VAPB: variants seen among roughly 807,000 people sequenced by gnomAD.
VAPB encodes the protein VAMP associated protein B and C, also known as vesicle-associated membrane protein-associated protein B/C.
VAPB carries 7 observed loss-of-function variants against 25.6 expected under a neutral mutation model. The observed-to-expected ratio is 0.27, with a 90% CI of 0.16 to 0.51. The LOEUF is 0.51. Among genes scored for constraint, VAPB ranks in the 20% least tolerant of loss-of-function variants. The pLI is 0.97. For missense variants in VAPB, 266 were observed against 301.3 expected, an observed-to-expected ratio of 0.88 and a Z score of 0.87; for synonymous variants, 112 against 109.2, an observed-to-expected ratio of 1.03 and a Z score of -0.16.
chr20:58,400,168 C>CT (rs1988062671), intron 1 of VAPB, among the ~76,000 whole-genome samples: 1 of 152,142 alleles, frequency 6.6e-6, no homozygotes, highest in Non-Finnish European at 1.5e-5. Flanking sequence ...TCTGTGGTTC[C>CT]TAGCATTGCT....
chr20:58,438,963 G>A lies in VAPB; in HGVS notation c.334G>A (p.Glu112Lys). 3 of 1,613,856 alleles carry A rather than the reference G, an allele frequency of 1.9e-6. No individual in the cohort carries two copies. The highest frequency in any genetic ancestry group is 2.5e-6 in the Non-Finnish European group (3 of 1,179,948). ...MEAVWKEAKP[E>K]DLMDSKLRCV... ...GTTTTAGTGGAAGGAGGCAAAACCG[G>A]AAGACCTTATGGATTCAAAACTTAG... is the stretch of plus-strand genomic sequence containing the variant. The change falls in exon 4 of 6, where the codon GAA becomes AAA. Residue 112 changes from glutamate (E) to lysine (K), a missense_variant. By Grantham distance (56) the Glu-to-Lys change is moderately conservative. Around this residue, in one of 3 missense-constraint regions of VAPB, gnomAD observed 98 missense variants for 147.1 expected, o/e 0.67. Coordinates refer to ENST00000475243, the MANE Select transcript of VAPB (RefSeq NM_004738.5).
In VAPB at chr20:58,441,000, A is replaced by T; in HGVS notation, c.490A>T (p.Thr164Ser). ...GTCTCTGAGTTCTTCTTTGGATGAC[A>T]CCGAAGTTAAGAAGGTTATGGAAGA... ...SKSLSSSLDD[T>S]EVKKVMEECK... is the part of the protein sequence containing the mutation. The change falls in exon 5 of 6, where the codon ACC becomes TCC. Residue 164 changes from threonine (T) to serine (S), a missense_variant. Physicochemically the swap from Thr to Ser is moderately conservative, Grantham distance 58. Transcript: ENST00000475243. 6.2e-7 allele frequency: 1 copy of T among 1,614,140 alleles called. No individual in the cohort carries two copies. Among genetic ancestry groups the T allele is most frequent in the East Asian group, 2.2e-5 (1 of 44,858 alleles).
At position 58,448,149 on chromosome 20, in the gene VAPB, CTGGAA is replaced by C; in HGVS notation, c.*3921_*3925del. ...GAGAAGGAGTGTTCTCAAAGATGAG[CTGGAA>C]TGGAATTGTATTTAGAAAGGCCCCT... is the stretch of plus-strand genomic sequence containing the variant. On this transcript the variant is annotated 3_prime_UTR_variant, in exon 6 of 6. Coordinates refer to ENST00000475243, the MANE Select transcript of VAPB (RefSeq NM_004738.5). 2.2e-6 allele frequency: 1 copy of C among 453,888 alleles called. No individual in the cohort carries two copies. The highest frequency in any genetic ancestry group is 4.4e-6 in the Non-Finnish European group (1 of 226,750). 28.1% of individuals were successfully genotyped at this position (453,888 alleles called of 1,614,324 possible).
intron 1 of VAPB, among the ~76,000 whole-genome samples, chr20:58,410,410 T>C (rs534813382): frequency 6.6e-6 from 1 of 151,646 alleles, no homozygotes; most frequent in South Asian, 2.1e-4. Flanking sequence ...CAACACCGTA[T>C]TTATTTATTT....
intron 3 of VAPB, 101 bp downstream of exon 3, chr20:58,434,806 A>T: frequency 1.4e-6 from 1 of 697,496 alleles, no homozygotes; most frequent in Non-Finnish European, 2.6e-6. Context: ...TGTCAAAATT[A>T]TTTAAAAGGG....
At chr20:58,396,475 G>A (rs1987961531) in intron 1 of VAPB, among the ~76,000 whole-genome samples, 4 of 152,162 alleles carry the variant, frequency 2.6e-5, no homozygotes, top group Admixed American at 2.6e-4. Flanking sequence ...TTAAGACAAT[G>A]GGATGTACCC....
intron 1 of VAPB, among the ~76,000 whole-genome samples, chr20:58,394,229 C>A (rs544306815): frequency 6.6e-6 from 1 of 152,016 alleles, no homozygotes; most frequent in East Asian, 1.9e-4. Flanking sequence ...AGTTTAAGGA[C>A]GTTGTTTGTT....
intron 1 of VAPB, among the ~76,000 whole-genome samples, chr20:58,404,945 G>A (rs538133438): frequency 1.4e-4 from 22 of 151,984 alleles, no homozygotes; most frequent in African/African-American, 4.8e-4. Context: ...TTGCTGAGAG[G>A]CCGAGATGAG....
chr20:58,444,371 C>T lies in VAPB; in HGVS notation c.*136C>T. On this transcript the variant is annotated 3_prime_UTR_variant, in exon 6 of 6. Coordinates refer to ENST00000475243, the MANE Select transcript of VAPB (RefSeq NM_004738.5). The stretch of plus-strand genomic sequence containing the variant: ...GGTCTTGCCTTTAAATTACCCCTCC[C>T]TGCACACACATACACAGATACACAC... 8.3e-7 allele frequency: 1 copy of T among 1,209,602 alleles called. No homozygotes were observed. Among genetic ancestry groups the T allele is most frequent in the Non-Finnish European group, 1.2e-6 (1 of 821,606 alleles). The allele number at this position is 1,209,602 out of a possible 1,614,324, so 74.9% of individuals were successfully genotyped here.
In VAPB at chr20:58,444,524, G is replaced by A. The variant is rs749954803; in HGVS notation, c.*289G>A. The A allele has an allele frequency of 4.2e-5, 23 of 542,418 alleles. 1 individual carries two copies. The highest frequency in any genetic ancestry group is 3.4e-4 in the South Asian group (22 of 65,308). 33.6% of individuals were successfully genotyped at this position (542,418 alleles called of 1,614,324 possible). On this transcript the variant is annotated 3_prime_UTR_variant, in exon 6 of 6. Transcript: ENST00000475243. ...AATGCCACAATGGCATATTGTAAAT[G>A]TCATTTTAAACATTGGTAGGCCTTG...
At position 58,447,041 on chromosome 20, in the gene VAPB, C is replaced by T. The variant is rs1989309966; in HGVS notation, c.*2806C>T. 2 of 453,900 alleles carry T rather than the reference C, an allele frequency of 4.4e-6. No homozygotes were observed. The highest frequency in any genetic ancestry group is 4.0e-5 in the African/African-American group (2 of 49,990). The allele number at this position is 453,900 out of a possible 1,614,324, so 28.1% of individuals were successfully genotyped here. ...AAGAGCGAGCCTAGGGAGGATGCCG[C>T]TGGGCAGTGTGCATGGGGGAGCTGC... is the stretch of plus-strand genomic sequence containing the variant. On this transcript the variant is annotated 3_prime_UTR_variant, in exon 6 of 6. Coordinates refer to ENST00000475243, the MANE Select transcript of VAPB (RefSeq NM_004738.5).
chr20:58,450,583 C>T lies in VAPB; in HGVS notation c.*6348C>T, dbSNP rs1239746328. 1 of 453,916 alleles carries T rather than the reference C, an allele frequency of 2.2e-6. No individual in the cohort carries two copies. The highest frequency in any genetic ancestry group is 1.6e-5 in the South Asian group (1 of 64,460). The allele number at this position is 453,916 out of a possible 1,614,324, so 28.1% of individuals were successfully genotyped here. On this transcript the variant is annotated 3_prime_UTR_variant, in exon 6 of 6. Transcript: ENST00000475243. ...ACTAAAAATGATCTATTTCAGTGTT[C>T]CTTTCGCCTTTCCTCTGCTTTCTGA... is the stretch of plus-strand genomic sequence containing the variant.
chr20:58,424,573 G>A (rs1425031767), intron 2 of VAPB, among the ~76,000 whole-genome samples: 1 of 152,204 alleles, frequency 6.6e-6, no homozygotes, highest in African/African-American at 2.4e-5. Flanking sequence ...ATCAGAAAAG[G>A]GGTATGTTGT....
chr20:58,411,699 G>T (rs563815851), intron 1 of VAPB, among the ~76,000 whole-genome samples: 189 of 152,102 alleles, frequency 1.2e-3, no homozygotes, highest in South Asian at 0.011. Flanking sequence ...TTTTGAGACG[G>T]AGTCTCTTTC....
Position 58,448,662 on chromosome 20 carries a change from A to G in VAPB, c.*4427A>G, listed in dbSNP as rs1989357742. 2.2e-6 allele frequency: 1 copy of G among 453,966 alleles called. No homozygotes were observed. Among genetic ancestry groups the G allele is most frequent in the Non-Finnish European group, 4.4e-6 (1 of 226,682 alleles). 28.1% of individuals were successfully genotyped at this position (453,966 alleles called of 1,614,324 possible). ...CCTCAGCTACTCTGCCCGTCTGTACATCTTTTGTGTCTGCCTCCGTACCTT... is the reference window on the plus strand; with the variant it reads ...CCTCAGCTACTCTGCCCGTCTGTACGTCTTTTGTGTCTGCCTCCGTACCTT... On this transcript the variant is annotated 3_prime_UTR_variant, in exon 6 of 6. Coordinates refer to ENST00000475243, the MANE Select transcript of VAPB (RefSeq NM_004738.5).
intron 4 of VAPB, 34 bp downstream of exon 4, chr20:58,439,059 T>C: frequency 1.9e-6 from 3 of 1,574,446 alleles, no homozygotes; most frequent in Admixed American, 1.7e-5. Context: ...TAATTGAATG[T>C]TGTAAGCTGA....
At position 58,447,553 on chromosome 20, in the gene VAPB, T is replaced by C. The variant is rs1166842968; in HGVS notation, c.*3318T>C. The C allele has an allele frequency of 2.2e-6, 1 of 453,974 alleles. No individual in the cohort carries two copies. The highest frequency in any genetic ancestry group is 4.4e-6 in the Non-Finnish European group (1 of 226,798). The allele number at this position is 453,974 out of a possible 1,614,324, so 28.1% of individuals were successfully genotyped here. ...GGAACAGAATTGCTATCGAAAGATA[T>C]CATTGCCCAGTTTGCAGGCTATGTT... is the stretch of plus-strand genomic sequence containing the variant. On this transcript the variant is annotated 3_prime_UTR_variant, in exon 6 of 6. Coordinates refer to ENST00000475243, the MANE Select transcript of VAPB (RefSeq NM_004738.5).
chr20:58,407,660 T>G (rs1022407097), intron 1 of VAPB, among the ~76,000 whole-genome samples: 4 of 152,140 alleles, frequency 2.6e-5, no homozygotes, highest in African/African-American at 9.7e-5. Flanking sequence ...TCCTTTTTTT[T>G]TTGTTTTTTT....
Position 58,418,347 on chromosome 20 carries a change from C to T in VAPB, c.195C>T (p.Ala65=). The T allele has an allele frequency of 6.2e-7, 1 of 1,614,124 alleles. No individual in the cohort carries two copies. Among genetic ancestry groups the T allele is most frequent in the Non-Finnish European group, 8.5e-7 (1 of 1,180,026 alleles). Reference sequence around the variant, plus strand: ...ACAGCGGAATCATCGATGCAGGGGCCTCAATTAATGTATCTGGTAAGTCCT... The same window carrying T: ...ACAGCGGAATCATCGATGCAGGGGCTTCAATTAATGTATCTGGTAAGTCCT... ...RPNSGIIDAG[A]SINVSVMLQP... Residue 65 remains alanine, a synonymous_variant, in exon 2 of 6, where the codon GCC becomes GCT. Transcript: ENST00000475243.
Sources: gnomAD v4.1 joint callset for allele counts (sites outside exome capture counted in the v4.1 genomes callset) on GRCh38, gnomAD v4.1.1 for gene constraint, gnomAD v4.1.1 regional missense constraint, MANE v1.5 for transcripts, NCBI Gene and HGNC (gene_info 2026-07-23, HGNC 2026-07-21) for gene names.